CNTNAP2: variants seen among roughly 807,000 people sequenced by gnomAD.
The protein encoded by CNTNAP2 is contactin-associated protein-like 2.
CNTNAP2 carries 98 observed loss-of-function variants against 155.2 expected under a neutral mutation model. The ratio of observed to expected loss-of-function variants is 0.63; its 90% CI spans 0.54 to 0.75. The LOEUF is 0.75. Ranked by LOEUF, CNTNAP2 falls within the 30% of genes least tolerant of loss-of-function variation. CNTNAP2 has a pLI of 0.00. For synonymous variants in CNTNAP2, 651 were observed against 631.2 expected (o/e 1.03, Z -0.47); for missense variants, 1,727 against 1,688.1 (o/e 1.02, Z -0.40).
At chr7:146,776,760 A>T (rs991933059) in intron 2 of CNTNAP2, among the ~76,000 whole-genome samples, 1 of 152,140 alleles carries the variant, frequency 6.6e-6, no homozygotes, top group African/African-American at 2.4e-5. Context: ...GAAAAGTTAA[A>T]TTATTTTTTC....
chr7:148,244,229 G>A (rs1341003280), intron 20 of CNTNAP2, among the ~76,000 whole-genome samples: 1 of 152,210 alleles, frequency 6.6e-6, no homozygotes, highest in Non-Finnish European at 1.5e-5. Context: ...TGTCATCACA[G>A]AGTTGGGGCT....
chr7:147,657,897 G>C (rs1795548940), intron 13 of CNTNAP2, among the ~76,000 whole-genome samples: 1 of 152,166 alleles, frequency 6.6e-6, no homozygotes, highest in African/African-American at 2.4e-5. Flanking sequence ...AAAGAAACTT[G>C]ACTTGCTGCC....
intron 1 of CNTNAP2, among the ~76,000 whole-genome samples, chr7:146,536,461 C>A (rs1479480529): frequency 6.6e-6 from 1 of 151,926 alleles, no homozygotes; most frequent in Non-Finnish European, 1.5e-5. Flanking sequence ...CTTTTCTCTA[C>A]ATTTTTAATG....
chr7:146,488,342 G>A (rs938023185), intron 1 of CNTNAP2, among the ~76,000 whole-genome samples: 2 of 139,978 alleles, frequency 1.4e-5, no homozygotes, highest in Non-Finnish European at 3.0e-5. Context: ...TTGCTTTAAT[G>A]TGTGTATTTA....
At chr7:146,926,138 G>T (rs1184765223) in intron 3 of CNTNAP2, among the ~76,000 whole-genome samples, 4 of 152,116 alleles carry the variant, frequency 2.6e-5, no homozygotes, top group African/African-American at 9.6e-5. Context: ...TTCTTTAGTT[G>T]CTAGCTAACC....
intron 20 of CNTNAP2, among the ~76,000 whole-genome samples, chr7:148,235,711 G>A (rs550921073): frequency 2.7e-4 from 33 of 123,322 alleles, no homozygotes; most frequent in Non-Finnish European, 4.8e-4. Context: ...TTTTGAGACG[G>A]AGTCTTGCTC....
intron 3 of CNTNAP2, among the ~76,000 whole-genome samples, chr7:146,935,763 C>T (rs148419234): frequency 4.6e-4 from 70 of 152,278 alleles, no homozygotes; most frequent in African/African-American, 1.6e-3. Flanking sequence ...TTGGGTATTA[C>T]AGACACTCAG....
At chr7:146,515,712 A>G (rs766093910) in intron 1 of CNTNAP2, among the ~76,000 whole-genome samples, 14 of 151,994 alleles carry the variant, frequency 9.2e-5, no homozygotes, top group South Asian at 2.1e-4. Flanking sequence ...CTTGACCCCA[A>G]TGGGAATTTG....
intron 1 of CNTNAP2, among the ~76,000 whole-genome samples, chr7:146,726,821 T>A (rs1357737716): frequency 1.4e-4 from 21 of 152,176 alleles, no homozygotes; most frequent in Admixed American, 1.4e-3. Context: ...TTGTCATGTT[T>A]AAATACTTTA....
chr7:147,132,553 A>G, intron 8 of CNTNAP2, 44 bp downstream of exon 8: 2 of 1,611,428 alleles, frequency 1.2e-6, no homozygotes, highest in Non-Finnish European at 1.7e-6. Context: ...ACTTATTGCA[A>G]TTTCCAGAGT....
rs1800085873 is a variant in CNTNAP2, at chr7:148,420,380, A to G, written c.*4764A>G. The G allele has an allele frequency of 2.0e-5, 3 of 152,194 alleles. No homozygotes were observed. Among genetic ancestry groups the G allele is most frequent in the African/African-American group, 7.2e-5 (3 of 41,450 alleles). 9.4% of individuals were successfully genotyped at this position (152,194 alleles called of 1,614,324 possible). A position where few individuals can be genotyped will look rare whatever the true frequency, so the allele number is the denominator to read the frequency against. The stretch of plus-strand genomic sequence containing the variant: ...AAACTTTAAAGTACATTTCTTTCAC[A>G]GCAGTATTTTTTTTCATAAGTGGCA... On this transcript the variant is annotated 3_prime_UTR_variant, in exon 24 of 24. Transcript: ENST00000361727.
At chr7:146,337,944 A>G (rs1801306306) in intron 1 of CNTNAP2, among the ~76,000 whole-genome samples, 1 of 152,226 alleles carries the variant, frequency 6.6e-6, no homozygotes, top group Non-Finnish European at 1.5e-5. Flanking sequence ...AATAGAAAAT[A>G]ATATAGGCAA....
intron 13 of CNTNAP2, among the ~76,000 whole-genome samples, chr7:147,697,368 T>C (rs1352358427): frequency 6.6e-6 from 1 of 152,172 alleles, no homozygotes; most frequent in Non-Finnish European, 1.5e-5. Context: ...CTACCATATC[T>C]GACTCTGGTT....
At chr7:147,834,446 T>C (rs1476667176) in intron 13 of CNTNAP2, among the ~76,000 whole-genome samples, 1 of 152,218 alleles carries the variant, frequency 6.6e-6, no homozygotes, top group Non-Finnish European at 1.5e-5. Context: ...CTACAGAGTG[T>C]TGTAAAAATA....
intron 1 of CNTNAP2, among the ~76,000 whole-genome samples, chr7:146,176,405 A>G (rs1798470638): frequency 6.6e-6 from 1 of 152,222 alleles, no homozygotes; most frequent in Non-Finnish European, 1.5e-5. Flanking sequence ...AAAATAATTT[A>G]GCTTTCAGAA....
At chr7:146,815,033 C>G (rs957200212) in intron 2 of CNTNAP2, among the ~76,000 whole-genome samples, 1 of 151,922 alleles carries the variant, frequency 6.6e-6, no homozygotes, top group Non-Finnish European at 1.5e-5. Flanking sequence ...CGAACATGTA[C>G]CTTCAATTCT....
At chr7:146,753,390 G>A (rs1319135840) in intron 1 of CNTNAP2, among the ~76,000 whole-genome samples, 1 of 151,698 alleles carries the variant, frequency 6.6e-6, no homozygotes, top group Non-Finnish European at 1.5e-5. Flanking sequence ...ATGTAAGAAT[G>A]GTCAATATCT....
At chr7:147,760,448 C>T (rs899748295) in intron 13 of CNTNAP2, among the ~76,000 whole-genome samples, 9 of 152,046 alleles carry the variant, frequency 5.9e-5, no homozygotes, top group Admixed American at 1.3e-4. Flanking sequence ...TTTGAGTAAA[C>T]GAAGATACAT....
In CNTNAP2 at chr7:147,128,747, A is replaced by AATTTCAAAG. The variant is rs761393725; in HGVS notation, c.995_1003dup (p.Lys334_Gly335insAspPheLys). 3.1e-6 allele frequency: 5 copies of AATTTCAAAG among 1,614,002 alleles called. No homozygotes were observed. The highest frequency in any genetic ancestry group is 2.5e-6 in the Non-Finnish European group (3 of 1,179,980). On this transcript the variant is annotated inframe_insertion, in exon 7 of 24. Coordinates refer to ENST00000361727, the MANE Select transcript of CNTNAP2 (RefSeq NM_014141.6). ...CAAGCCCAGCTCCAGCAGTAGAAAGAATTTCAAAGGCTGCATGGAAAGCAT... is the reference window on the plus strand; with the variant it reads ...CAAGCCCAGCTCCAGCAGTAGAAAGAATTTCAAAGATTTCAAAGGCTGCATGGAAAGCAT...
Sources: allele counts gnomAD v4.1 joint callset (sites outside exome capture counted in the v4.1 genomes callset), GRCh38; gene constraint gnomAD v4.1.1; transcripts MANE v1.5; gene names NCBI Gene and HGNC (gene_info 2026-07-23, HGNC 2026-07-21).